APOBEC3C: variants seen among roughly 807,000 people sequenced by gnomAD.
The protein encoded by APOBEC3C is DNA dC->dU-editing enzyme APOBEC-3C.
APOBEC3C carries 14 observed loss-of-function variants against 20.6 expected under a neutral mutation model. That is an observed-to-expected ratio of 0.68 (90% confidence interval 0.45 to 1.06). The LOEUF is 1.06. Among genes scored for constraint, APOBEC3C ranks in the 50% least tolerant of loss-of-function variants. APOBEC3C has a pLI of 0.00. For missense variants in APOBEC3C, 244 were observed against 241.9 expected (o/e 1.01, Z -0.06); for synonymous variants, 98 against 88.8 (o/e 1.10, Z -0.58).
rs369034007 is a variant in APOBEC3C, at chr22:39,015,753, T to C, written c.174+2T>C. 2.5e-6 allele frequency: 4 copies of C among 1,613,068 alleles called. No individual in the cohort carries two copies. The highest frequency in any genetic ancestry group is 2.5e-6 in the Non-Finnish European group (3 of 1,179,672). On this transcript the variant is annotated splice_donor_variant, in intron 2 of 3. Transcript: ENST00000361441. LOFTEE classifies it high-confidence loss of function. Reference sequence around the variant, plus strand: ...AAGACGGGCGTCTTCCGAAACCAGGTAGCACCAAAGTCCTAGTTACACCCT... The same window carrying C: ...AAGACGGGCGTCTTCCGAAACCAGGCAGCACCAAAGTCCTAGTTACACCCT...
In APOBEC3C at chr22:39,014,925, C is replaced by A. The variant is rs573731517; in HGVS notation, c.17+546C>A. 1.5e-3 allele frequency among the ~76,000 whole-genome samples: 223 copies of A among 152,318 alleles called. 1 individual carries two copies. Among genetic ancestry groups the A allele is most frequent in the African/African-American group, 5.2e-3 (215 of 41,566 alleles). On this transcript the variant is annotated intron_variant, in intron 1 of 3. Transcript: ENST00000361441. The stretch of plus-strand genomic sequence containing the variant: ...CACACGACCCCAGACACAGGCTCCT[C>A]CTCTGTGAGCACCGTTCACCTTTCA...
At chr22:39,016,190 A>ATTATTTATTTATTTATTTAT (rs3043484) in intron 2 of APOBEC3C, among the ~76,000 whole-genome samples, 2,048 of 141,458 alleles carry the variant, frequency 0.014, 77 homozygotes, top group African/African-American at 0.053. Flanking sequence ...TCCTCCCCAC[A>ATTATTTATTTATTTATTTAT]TTATTTATTT....
Position 39,019,827 on chromosome 22 carries a change from CAG to C in APOBEC3C, c.*1443_*1444del, listed in dbSNP as rs951535133. ...TTTTTTTTTTTTTTTTTTTTTGAGACAGAGTGTTGCTCCTCTTGTCCAGGCTG... is the reference window on the plus strand; with the variant it reads ...TTTTTTTTTTTTTTTTTTTTTGAGACAGTGTTGCTCCTCTTGTCCAGGCTG... On this transcript the variant is annotated 3_prime_UTR_variant, in exon 4 of 4. Coordinates refer to ENST00000361441, the MANE Select transcript of APOBEC3C (RefSeq NM_014508.3). 2.3e-5 allele frequency: 2 copies of C among 85,426 alleles called. No homozygotes were observed. Among genetic ancestry groups the C allele is most frequent in the African/African-American group, 5.6e-5 (1 of 17,818 alleles). The allele number at this position is 85,426 out of a possible 1,614,324, so 5.3% of individuals were successfully genotyped here. A position where few individuals can be genotyped will look rare whatever the true frequency, so the allele number is the denominator to read the frequency against.
intron 1 of APOBEC3C, among the ~76,000 whole-genome samples, chr22:39,015,193 G>A (rs1876959482): frequency 6.6e-6 from 1 of 152,034 alleles, no homozygotes; most frequent in African/African-American, 2.4e-5. Context: ...CAGCTACTTG[G>A]GAGGCTGAGG....
Position 39,014,331 on chromosome 22 carries a change from G to C in APOBEC3C, c.-32G>C, listed in dbSNP as rs1233240407. On this transcript the variant is annotated 5_prime_UTR_variant, in exon 1 of 4. Transcript: ENST00000361441. ...AGCCACAGCGCTTCAGAAAAGAGTG[G>C]GACAGGGACAAGCATATCTAAGAGG... 1 of 1,613,976 alleles carries C rather than the reference G, an allele frequency of 6.2e-7. No individual in the cohort carries two copies. The highest frequency in any genetic ancestry group is 1.7e-5 in the Admixed American group (1 of 60,006).
rs1209917610 is a variant in APOBEC3C at position 39,017,968 on chromosome 22, T to A, written c.377T>A (p.Phe126Tyr). The A allele has an allele frequency of 6.2e-7, 1 of 1,614,160 alleles. No individual in the cohort carries two copies. The highest frequency in any genetic ancestry group is 8.5e-7 in the Non-Finnish European group (1 of 1,180,030). ...ATCTTCACCGCCCGCCTCTACTACT[T>A]CCAGTATCCATGTTACCAGGAGGGG... ...LTIFTARLYY[F>Y]QYPCYQEGLR... Residue 126 changes from phenylalanine to tyrosine, a missense_variant, in exon 3 of 4, where the codon TTC becomes TAC. Transcript: ENST00000361441.
chr22:39,015,365 G>T lies in APOBEC3C; in HGVS notation c.18-230G>T, dbSNP rs919023791. Among the ~76,000 whole-genome samples the T allele has an allele frequency of 2.0e-5, 3 of 151,996 alleles. 1 individual carries two copies. The highest frequency in any genetic ancestry group is 7.3e-5 in the African/African-American group (3 of 41,376). The stretch of plus-strand genomic sequence containing the variant: ...GTTCCATTGGTAGCCCCAGAGCTGG[G>T]GTTCCAGCTAGGAGAGGTCACCCCG... On this transcript the variant is annotated intron_variant, in intron 1 of 3. Coordinates refer to ENST00000361441, the MANE Select transcript of APOBEC3C (RefSeq NM_014508.3).
At chr22:39,016,470 G>C (rs1331534392) in intron 2 of APOBEC3C, among the ~76,000 whole-genome samples, 1 of 149,930 alleles carries the variant, frequency 6.7e-6, no homozygotes, top group Non-Finnish European at 1.5e-5. Context: ...GCCCGCCTTG[G>C]CCTCCCAAAG....
intron 2 of APOBEC3C, among the ~76,000 whole-genome samples, chr22:39,017,170 T>C (rs1569049727): frequency 6.6e-6 from 1 of 151,910 alleles, no homozygotes. Context: ...AGGCAGAGGT[T>C]GCAGTGAGCC....
chr22:39,017,210 C>T (rs1042250748), intron 2 of APOBEC3C, among the ~76,000 whole-genome samples: 1 of 150,552 alleles, frequency 6.6e-6, no homozygotes, highest in Non-Finnish European at 1.5e-5. Flanking sequence ...CCAGCCTTGG[C>T]GACAGAGCAA....
At chr22:39,015,851 G>T in intron 2 of APOBEC3C, 100 bp downstream of exon 2, 10 of 1,137,514 alleles carry the variant, frequency 8.8e-6, no homozygotes, top group South Asian at 3.2e-5. Flanking sequence ...GCTCTCCTGT[G>T]TGCACTTTCC....
At chr22:39,015,073 G>T (rs1334825124) in intron 1 of APOBEC3C, among the ~76,000 whole-genome samples, 1 of 152,052 alleles carries the variant, frequency 6.6e-6, no homozygotes, top group South Asian at 2.1e-4. Flanking sequence ...TGAGGCGGGC[G>T]GGTCACTTGT....
chr22:39,018,173 A>G, intron 3 of APOBEC3C, 96 bp from the exon 4 acceptor site: 3 of 1,569,390 alleles, frequency 1.9e-6, no homozygotes, highest in Non-Finnish European at 1.7e-6. Flanking sequence ...CGCCCACTGC[A>G]ACTGGCAGCC....
intron 1 of APOBEC3C, 67 bp downstream of exon 1, chr22:39,014,446 T>C: frequency 6.2e-7 from 1 of 1,606,166 alleles, no homozygotes; most frequent in South Asian, 1.1e-5. Flanking sequence ...CTGCTGGGCC[T>C]CAGCCCTGGC....
Position 39,018,039 on chromosome 22 carries a change from T to C in APOBEC3C, c.448T>C (p.Tyr150His), listed in dbSNP as rs1248600986. Residue 150 changes from tyrosine (Y) to histidine (H), a missense_variant, in exon 3 of 4, where the codon TAT becomes CAT. Tyr to His is a moderately conservative substitution (Grantham distance 83). Coordinates refer to ENST00000361441, the MANE Select transcript of APOBEC3C (RefSeq NM_014508.3). ...AGGGGTCGCTGTGGAGATCATGGAC[T>C]ATGAAGGTGAGACGTGGGGGGCTGA... ...QEGVAVEIMDYEDFKYCWENF... is the reference protein window; with the variant it reads ...QEGVAVEIMDHEDFKYCWENF... The C allele has an allele frequency of 1.2e-6, 2 of 1,613,858 alleles. No homozygotes were observed. Among genetic ancestry groups the C allele is most frequent in the East Asian group, 2.2e-5 (1 of 44,848 alleles).
intron 2 of APOBEC3C, among the ~76,000 whole-genome samples, chr22:39,017,061 G>C (rs2146311507): frequency 6.6e-6 from 1 of 152,180 alleles, no homozygotes; most frequent in East Asian, 1.9e-4. Context: ...ATGAAACCCA[G>C]TCTCTACTAA....
Position 39,017,975 on chromosome 22 carries a change from T to A in APOBEC3C, c.384T>A (p.Tyr128Ter). The A allele has an allele frequency of 3.1e-6, 5 of 1,614,178 alleles. No individual in the cohort carries two copies. The highest frequency in any genetic ancestry group is 4.2e-6 in the Non-Finnish European group (5 of 1,180,038). The change falls in exon 3 of 4, where the codon TAT becomes TAA. Residue 128 changes from tyrosine (Y) to a stop codon, truncating the protein, a stop_gained. Transcript: ENST00000361441. LOFTEE classifies it high-confidence loss of function. ...CCGCCCGCCTCTACTACTTCCAGTA[T>A]CCATGTTACCAGGAGGGGCTCCGCA... ...IFTARLYYFQYPCYQEGLRSL... is the reference protein window; with the variant it reads ...IFTARLYYFQ
In APOBEC3C at chr22:39,018,961, G is replaced by A. The variant is rs1924910312; in HGVS notation, c.*574G>A. The A allele has an allele frequency of 6.6e-6, 1 of 152,292 alleles. No homozygotes were observed. The highest frequency in any genetic ancestry group is 2.1e-4 in the South Asian group (1 of 4,832). The allele number at this position is 152,292 out of a possible 1,614,324, so 9.4% of individuals were successfully genotyped here. A position where few individuals can be genotyped will look rare whatever the true frequency, so the allele number is the denominator to read the frequency against. On this transcript the variant is annotated 3_prime_UTR_variant, in exon 4 of 4. Transcript: ENST00000361441. ...GAACAGAGATCGCGCCACTGAACTC[G>A]GGTCTGGGCAACAGATAGAGACCCT...
intron 1 of APOBEC3C, 38 bp downstream of exon 1, chr22:39,014,417 C>T: frequency 6.2e-7 from 1 of 1,613,684 alleles, no homozygotes; most frequent in Non-Finnish European, 8.5e-7. Flanking sequence ...CCCCTCCTGC[C>T]ACTTCCTGCC....
Sources: gnomAD v4.1 joint callset for allele counts (sites outside exome capture counted in the v4.1 genomes callset) on GRCh38, gnomAD v4.1.1 for gene constraint, MANE v1.5 for transcripts, NCBI Gene and HGNC (gene_info 2026-07-23, HGNC 2026-07-21) for gene names.